Variants in SNX25 observed in about 807,000 individuals in gnomAD.
SNX25 encodes sorting nexin 25.
Under a neutral mutation model 113.7 loss-of-function variants are expected in SNX25, and 62 were observed. The observed-to-expected ratio is 0.55, with a 90% CI of 0.44 to 0.67. The LOEUF (loss-of-function observed/expected upper bound fraction) is 0.67, where lower values mean the gene tolerates loss of function less well. Ranked by LOEUF, SNX25 falls within the 30% of genes least tolerant of loss-of-function variation. SNX25 has a pLI of 0.00. For missense variants in SNX25, 1,014 were observed against 1,161.0 expected, an observed-to-expected ratio of 0.87 and a Z score of 1.84; for synonymous variants, 421 against 436.2, an observed-to-expected ratio of 0.97 and a Z score of 0.43.
intron 2 of SNX25, among the ~76,000 whole-genome samples, chr4:185,251,938 G>A (rs1745725035): frequency 2.0e-5 from 3 of 151,068 alleles, no homozygotes; most frequent in East Asian, 1.9e-4. Flanking sequence ...TTGGGTAAGC[G>A]TTTCAGTTTA....
chr4:185,370,868 T>G (rs1023771976), downstream of SNX25: 2 of 1,566,564 alleles, frequency 1.3e-6, no homozygotes, highest in African/African-American at 2.7e-5. Flanking sequence ...GGTAAGTGTT[T>G]GTAAAACGAT....
At chr4:185,291,626 C>A (rs1484741297) in intron 6 of SNX25, among the ~76,000 whole-genome samples, 1 of 152,220 alleles carries the variant, frequency 6.6e-6, no homozygotes, top group Non-Finnish European at 1.5e-5. Flanking sequence ...GGGGGAGCCT[C>A]TTCCATGTCT....
chr4:185,378,559 T>A, the SNX25 span: 32 of 1,018,000 alleles, frequency 3.1e-5, no homozygotes, highest in Non-Finnish European at 3.4e-5. Context: ...CAGTCAGAGC[T>A]CTTCTGCACT....
chr4:185,211,255 C>T (rs985494390), intron 1 of SNX25, among the ~76,000 whole-genome samples: 1 of 152,182 alleles, frequency 6.6e-6, no homozygotes, highest in African/African-American at 2.4e-5. Flanking sequence ...GTTCAGAATG[C>T]AGCGCTGAGA....
chr4:185,277,539 C>G (rs1749891440), intron 5 of SNX25, among the ~76,000 whole-genome samples: 1 of 152,020 alleles, frequency 6.6e-6, no homozygotes, highest in African/African-American at 2.4e-5. Context: ...CGATTTAAAG[C>G]CACCAGCATG....
At chr4:185,235,102 A>G (rs568873529) in intron 1 of SNX25, among the ~76,000 whole-genome samples, 2 of 152,368 alleles carry the variant, frequency 1.3e-5, no homozygotes, top group Non-Finnish European at 1.5e-5. Context: ...CTCTCGGTCT[A>G]TCTTAATAGA....
At chr4:185,299,849 A>T (rs1753382370) in intron 6 of SNX25, among the ~76,000 whole-genome samples, 1 of 152,158 alleles carries the variant, frequency 6.6e-6, no homozygotes. Flanking sequence ...GTGATTCAAG[A>T]GTCATGTTCA....
chr4:185,332,523 G>C, intron 9 of SNX25, 72 bp from the exon 10 acceptor site: 1 of 1,386,156 alleles, frequency 7.2e-7, no homozygotes, highest in Admixed American at 2.3e-5. Flanking sequence ...TTGCAACAGG[G>C]TATCGTGACC....
intron 12 of SNX25, among the ~76,000 whole-genome samples, chr4:185,343,041 C>A (rs1468570934): frequency 6.6e-6 from 1 of 152,166 alleles, no homozygotes; most frequent in East Asian, 1.9e-4. Flanking sequence ...CAGGCATGTG[C>A]CACCACACCC....
intron 1 of SNX25, among the ~76,000 whole-genome samples, chr4:185,214,156 C>T (rs1266813700): frequency 2.0e-5 from 3 of 152,026 alleles, no homozygotes; most frequent in Middle Eastern, 3.2e-3. Context: ...AGTTCATCTA[C>T]CCGCTAACAT....
intron 1 of SNX25, among the ~76,000 whole-genome samples, chr4:185,217,143 A>G (rs1240089791): frequency 6.6e-6 from 1 of 152,064 alleles, no homozygotes; most frequent in Non-Finnish European, 1.5e-5. Context: ...TAAAAGGAGA[A>G]ATACTGGCCG....
intron 1 of SNX25, among the ~76,000 whole-genome samples, chr4:185,245,231 G>A (rs1341204717): frequency 3.1e-5 from 4 of 127,846 alleles, no homozygotes; most frequent in African/African-American, 6.2e-5. Flanking sequence ...TTTTGATTAC[G>A]GTGATATGTG....
chr4:185,216,610 C>A (rs1008570672), intron 1 of SNX25, among the ~76,000 whole-genome samples: 1 of 141,694 alleles, frequency 7.1e-6, no homozygotes, highest in Non-Finnish European at 1.5e-5. Context: ...ACTTCTGTTT[C>A]CTGGGTTCAA....
At chr4:185,213,796 ATCT>A (rs1366061130) in intron 1 of SNX25, among the ~76,000 whole-genome samples, 4 of 152,354 alleles carry the variant, frequency 2.6e-5, no homozygotes, top group Admixed American at 2.6e-4. Flanking sequence ...TTCAAAGTAC[ATCT>A]TCTCACAGTG....
intron 2 of SNX25, among the ~76,000 whole-genome samples, chr4:185,254,400 A>G (rs1746097840): frequency 6.6e-6 from 1 of 152,174 alleles, no homozygotes; most frequent in African/African-American, 2.4e-5. Context: ...CTTTGTTCTA[A>G]GAGACCCAGG....
intron 7 of SNX25, among the ~76,000 whole-genome samples, chr4:185,317,195 T>G (rs2095081228): frequency 6.6e-6 from 1 of 152,204 alleles, no homozygotes; most frequent in Admixed American, 6.5e-5. Context: ...AAGACATTTA[T>G]GTGGCCAACA....
intron 5 of SNX25, among the ~76,000 whole-genome samples, chr4:185,281,944 A>T (rs917117012): frequency 4.6e-5 from 7 of 152,022 alleles, no homozygotes; most frequent in African/African-American, 1.4e-4. Flanking sequence ...TGAACCTGGG[A>T]GGTGGAAGTT....
chr4:185,296,640 A>T (rs1018491185), intron 6 of SNX25, among the ~76,000 whole-genome samples: 3 of 151,928 alleles, frequency 2.0e-5, no homozygotes, highest in East Asian at 1.9e-4. Context: ...TAAAAAAAAA[A>T]TTTTTTTTGA....
chr4:185,378,448 CCT>C, the SNX25 span: 1 of 1,265,746 alleles, frequency 7.9e-7, no homozygotes, highest in Non-Finnish European at 1.0e-6. Flanking sequence ...CACCATGAGA[CCT>C]GTTTGCACGT....
Sources: gnomAD v4.1 joint callset for allele counts (sites outside exome capture counted in the v4.1 genomes callset) on GRCh38, gnomAD v4.1.1 for gene constraint, MANE v1.5 for transcripts, NCBI Gene and HGNC (gene_info 2026-07-23, HGNC 2026-07-21) for gene names.